The following IRS1 variants were observed in gnomAD, a reference collection of about 807,000 sequenced individuals.
IRS1 encodes the protein insulin receptor substrate 1.
Under a neutral mutation model 65.6 loss-of-function variants are expected in IRS1, and 34 were observed. That is an observed-to-expected ratio of 0.52 (90% CI 0.39 to 0.69). IRS1 has a LOEUF of 0.69. Ranked by LOEUF, IRS1 falls within the 30% of genes least tolerant of loss-of-function variation. The probability of loss-of-function intolerance (pLI) is 0.00; values close to 1 mark genes in which losing one functional copy is unlikely to be tolerated. For missense variants in IRS1, 1,641 were observed against 1,720.2 expected (o/e 0.95, Z 0.81); for synonymous variants, 699 against 683.5 (o/e 1.02, Z -0.35).
intron 1 of IRS1, among the ~76,000 whole-genome samples, chr2:226,789,639 T>A (rs1939551256): frequency 6.6e-6 from 1 of 152,202 alleles, no homozygotes; most frequent in South Asian, 2.1e-4. Flanking sequence ...AAGAGGTGAT[T>A]TCCAACAGGA....
intron 1 of IRS1, among the ~76,000 whole-genome samples, chr2:226,765,704 G>C (rs1939018184): frequency 6.6e-6 from 1 of 152,120 alleles, no homozygotes; most frequent in South Asian, 2.1e-4. Context: ...GGAGGAACAG[G>C]AAAGGCTTTC....
chr2:226,748,959 A>G (rs1938614658), intron 1 of IRS1, among the ~76,000 whole-genome samples: 2 of 152,186 alleles, frequency 1.3e-5, no homozygotes, highest in African/African-American at 4.8e-5. Flanking sequence ...CCTTAAATAT[A>G]GCAAAAGGAG....
chr2:226,795,437 G>T lies in IRS1; in HGVS notation c.3302C>A (p.Ser1101Tyr). 2 of 1,613,570 alleles carry T rather than the reference G, an allele frequency of 1.2e-6. No individual in the cohort carries two copies. The highest frequency in any genetic ancestry group is 1.7e-6 in the Non-Finnish European group (2 of 1,180,028). ...ACTGGGTGTTGAGGAGAAAGTCTCGGAGCTATGCCTCCGCCGGCACCCTTG... is the reference window on the plus strand; with the variant it reads ...ACTGGGTGTTGAGGAGAAAGTCTCGTAGCTATGCCTCCGCCGGCACCCTTG... ...DPQGCRRRHS[S>Y]ETFSSTPSAT... Residue 1101 changes from serine (S) to tyrosine (Y), a missense_variant, in exon 1 of 2, where the codon TCC becomes TAC. Physicochemically the swap from Ser to Tyr is moderately radical, Grantham distance 144. Around this residue, in one of 3 missense-constraint regions of IRS1, gnomAD observed 1,324 missense variants for 1,361.0 expected, o/e 0.97. Transcript: ENST00000305123.
chr2:226,754,970 T>A (rs1244389091), intron 1 of IRS1, among the ~76,000 whole-genome samples: 1 of 152,172 alleles, frequency 6.6e-6, no homozygotes, highest in Non-Finnish European at 1.5e-5. Flanking sequence ...CACAACAAAC[T>A]GGGTGTGACT....
intron 1 of IRS1, among the ~76,000 whole-genome samples, chr2:226,777,417 T>C (rs1939295487): frequency 1.3e-5 from 2 of 152,250 alleles, no homozygotes; most frequent in South Asian, 4.1e-4. Context: ...TTTTCAAACC[T>C]ATTTAAAGTT....
intron 1 of IRS1, among the ~76,000 whole-genome samples, chr2:226,793,718 G>A (rs1004555515): frequency 8.5e-5 from 13 of 152,186 alleles, no homozygotes; most frequent in Non-Finnish European, 1.5e-4. Context: ...ATTCTGTGGA[G>A]CATAGATAAA....
intron 1 of IRS1, among the ~76,000 whole-genome samples, chr2:226,780,035 G>A (rs1341715608): frequency 1.3e-5 from 2 of 152,170 alleles, no homozygotes; most frequent in African/African-American, 4.8e-5. Flanking sequence ...AAAAGGAGGA[G>A]CAATGGGACA....
At position 226,795,224 on chromosome 2, in the gene IRS1, C is replaced by G. The variant is rs553359474; in HGVS notation, c.3515G>C (p.Gly1172Ala). The G allele has an allele frequency of 2.5e-6, 4 of 1,613,932 alleles. No individual in the cohort carries two copies. The highest frequency in any genetic ancestry group is 1.7e-5 in the Admixed American group (1 of 60,004). ...TATGTAGTTAAGACCATTCTCCAAA[C>G]CCCCAGCAGCCCCACACAGTTTGGC... Reference protein sequence around the residue: ...EPAKLCGAAGGLENGLNYIDL... With the variant: ...EPAKLCGAAGALENGLNYIDL... The change falls in exon 1 of 2, where the codon GGT becomes GCT. Residue 1172 changes from glycine (G) to alanine (A), a missense_variant. This residue lies in a region of IRS1 where 1,324 missense variants were observed against 1,361.0 expected (regional missense o/e 0.97). Coordinates refer to ENST00000305123, the MANE Select transcript of IRS1 (RefSeq NM_005544.3).
At chr2:226,791,048 C>G (rs1939583073) in intron 1 of IRS1, among the ~76,000 whole-genome samples, 1 of 152,200 alleles carries the variant, frequency 6.6e-6, no homozygotes, top group Non-Finnish European at 1.5e-5. Context: ...TCCCGTCTTT[C>G]ATTTCGCTGT....
chr2:226,738,760 C>T (rs143663078), intron 1 of IRS1, among the ~76,000 whole-genome samples: 17 of 152,292 alleles, frequency 1.1e-4, no homozygotes, highest in African/African-American at 4.1e-4. Flanking sequence ...TCTAGATTAG[C>T]GCTTAACAGA....
rs111750711 is a variant in IRS1 at position 226,777,395 on chromosome 2, T to C, written c.*21+17594A>G. ...ACTATATAAATATTCAGGTATTTTG[T>C]TTTCCAAAGGATTTTCAAACCTATT... is the stretch of plus-strand genomic sequence containing the variant. On this transcript the variant is annotated intron_variant, in intron 1 of 1. Transcript: ENST00000305123. Among the ~76,000 whole-genome samples the C allele has an allele frequency of 4.0e-3, 613 of 152,336 alleles. 6 individuals carry two copies. Among genetic ancestry groups the C allele is most frequent in the African/African-American group, 0.012 (494 of 41,578 alleles).
At chr2:226,746,035 A>G (rs1938535494) in intron 1 of IRS1, among the ~76,000 whole-genome samples, 1 of 152,218 alleles carries the variant, frequency 6.6e-6, no homozygotes, top group African/African-American at 2.4e-5. Flanking sequence ...GTACAAATTC[A>G]ATATTGAGAC....
chr2:226,786,762 A>T (rs1939495643), intron 1 of IRS1, among the ~76,000 whole-genome samples: 1 of 151,354 alleles, frequency 6.6e-6, no homozygotes, highest in African/African-American at 2.4e-5. Flanking sequence ...AGACCCAGCA[A>T]GCTATTATAA....
chr2:226,755,068 C>T (rs1253954417), intron 1 of IRS1, among the ~76,000 whole-genome samples: 1 of 152,202 alleles, frequency 6.6e-6, no homozygotes, highest in Non-Finnish European at 1.5e-5. Flanking sequence ...TTTTAGCTCT[C>T]CTGCCACACT....
Position 226,798,545 on chromosome 2 carries a change from G to A in IRS1, c.194C>T (p.Pro65Leu), listed in dbSNP as rs764111957. ...GTTGATGTTGAAGCAGCTCTCAAGG[G>A]GGATCGAGCGTTTGGGGGCGCTCGA... is the stretch of plus-strand genomic sequence containing the variant. ...HKSSAPKRSI[P>L]LESCFNINKR... Residue 65 changes from proline (P) to leucine (L), a missense_variant, in exon 1 of 2, where the codon CCC (proline) becomes CTC (leucine). Coordinates refer to ENST00000305123, the MANE Select transcript of IRS1 (RefSeq NM_005544.3). The surrounding 1 kb of genome is among the most constrained non-coding windows in gnomAD (Gnocchi z 9.4). 2 of 1,613,932 alleles carry A rather than the reference G, an allele frequency of 1.2e-6. No homozygotes were observed. The highest frequency in any genetic ancestry group is 1.3e-5 in the African/African-American group (1 of 74,942).
At chr2:226,771,689 A>C (rs902429473) in intron 1 of IRS1, among the ~76,000 whole-genome samples, 2 of 152,080 alleles carry the variant, frequency 1.3e-5, no homozygotes, top group Non-Finnish European at 2.9e-5. Flanking sequence ...TAAGATGCTC[A>C]TGCCTTCTGC....
In IRS1 at chr2:226,744,299, T is replaced by C. The variant is rs113717570; in HGVS notation, c.*22-8049A>G. On this transcript the variant is annotated intron_variant, in intron 1 of 1. Transcript: ENST00000305123. ...AGAACTTGGTCATGTAAGAAAAATC[T>C]ACTGAATTGAACAAGCATCTTCCAA... Among the ~76,000 whole-genome samples the C allele has an allele frequency of 1.7e-3, 252 of 152,302 alleles. 1 individual carries two copies. Among genetic ancestry groups the C allele is most frequent in the African/African-American group, 5.3e-3 (221 of 41,572 alleles).
At chr2:226,745,878 C>T (rs746434691) in intron 1 of IRS1, among the ~76,000 whole-genome samples, 8 of 151,650 alleles carry the variant, frequency 5.3e-5, no homozygotes, top group South Asian at 2.1e-4. Flanking sequence ...ATGCATCTTG[C>T]GAAGAGAGGA....
chr2:226,759,451 C>G (rs1446430471), intron 1 of IRS1, among the ~76,000 whole-genome samples: 2 of 152,192 alleles, frequency 1.3e-5, no homozygotes, highest in Admixed American at 1.3e-4. Flanking sequence ...ACCATGGCAG[C>G]TGGCAAATGC....
Sources: gnomAD v4.1 joint callset for allele counts (sites outside exome capture counted in the v4.1 genomes callset) on GRCh38, gnomAD v4.1.1 for gene constraint, gnomAD v4.1.1 regional missense constraint, Gnocchi (gnomAD v3.1) non-coding constraint, MANE v1.5 for transcripts, NCBI Gene and HGNC (gene_info 2026-07-23, HGNC 2026-07-21) for gene names.